The following SLC30A8 variants were observed in gnomAD, a reference collection of about 807,000 sequenced individuals.
The protein encoded by SLC30A8 is proton-coupled zinc antiporter SLC30A8.
Under a neutral mutation model 36.9 loss-of-function variants are expected in SLC30A8, and 27 were observed. The observed-to-expected ratio is 0.73, with a 90% CI of 0.54 to 1.01. SLC30A8 has a LOEUF of 1.01. SLC30A8 is among the 50% of genes least tolerant of loss of function. The pLI is 0.00. For missense variants in SLC30A8, 439 were observed against 452.0 expected (o/e 0.97, Z 0.26); for synonymous variants, 164 against 172.4 (o/e 0.95, Z 0.38).
intron 2 of SLC30A8, among the ~76,000 whole-genome samples, chr8:117,100,148 T>C (rs1252365900): frequency 6.6e-6 from 1 of 152,176 alleles, no homozygotes; most frequent in Non-Finnish European, 1.5e-5. Context: ...CTATTCTATC[T>C]CAGGTGCCAT....
At chr8:117,024,482 C>T (rs573769523) in intron 1 of SLC30A8, among the ~76,000 whole-genome samples, 1 of 152,194 alleles carries the variant, frequency 6.6e-6, no homozygotes, top group African/African-American at 2.4e-5. Flanking sequence ...TTGCATTTAA[C>T]CTGCATCTTC....
intron 1 of SLC30A8, among the ~76,000 whole-genome samples, chr8:116,962,403 C>A (rs1035362004): frequency 2.0e-5 from 3 of 152,010 alleles, no homozygotes; most frequent in Non-Finnish European, 2.9e-5. Context: ...GTAATTCCTC[C>A]CTTTTTCCTG....
At chr8:117,134,584 A>G (rs1821274755), upstream of SLC30A8, among the ~76,000 whole-genome samples, 1 of 151,950 alleles carries the variant, frequency 6.6e-6, no homozygotes, top group Non-Finnish European at 1.5e-5. Flanking sequence ...GATCCTTAGT[A>G]GAGGGTACCT....
At chr8:116,964,726 A>G (rs1814542243) in intron 1 of SLC30A8, among the ~76,000 whole-genome samples, 1 of 152,198 alleles carries the variant, frequency 6.6e-6, no homozygotes, top group Admixed American at 6.5e-5. Context: ...CTAATTTAAC[A>G]TTTCTAAATG....
chr8:117,058,356 T>G lies in SLC30A8; in HGVS notation c.-226+19098T>G, dbSNP rs531777567. On this transcript the variant is annotated intron_variant, in intron 2 of 10. Coordinates refer to the SLC30A8 transcript ENST00000427715. The stretch of plus-strand genomic sequence containing the variant: ...TTGCCTTTTATTTTGTGGATTGTTT[T>G]CTTTGCTATGCAAAAACTTTCTGGT... Among the ~76,000 whole-genome samples, 4 of 152,346 alleles carry G rather than the reference T, an allele frequency of 2.6e-5. No individual in the cohort carries two copies. In the East Asian group the frequency reaches 7.7e-4, roughly 29 times the overall value.
chr8:117,014,222 C>G (rs1191899638), intron 1 of SLC30A8, among the ~76,000 whole-genome samples: 1 of 152,152 alleles, frequency 6.6e-6, no homozygotes, highest in East Asian at 1.9e-4. Context: ...AATAAATATT[C>G]CCATTAGTAA....
intron 1 of SLC30A8, among the ~76,000 whole-genome samples, chr8:117,022,919 C>A (rs1448965903): frequency 6.6e-6 from 1 of 152,172 alleles, no homozygotes; most frequent in Non-Finnish European, 1.5e-5. Flanking sequence ...GCAAAAGAGA[C>A]TACCATCAGA....
intron 1 of SLC30A8, among the ~76,000 whole-genome samples, chr8:116,976,979 T>C (rs973731625): frequency 1.3e-5 from 2 of 149,964 alleles, no homozygotes; most frequent in Non-Finnish European, 3.0e-5. Flanking sequence ...TCACCACACC[T>C]GGCTAATTTT....
At chr8:116,962,179 TTAACTCATTTTATTGGCTCATTAACTG>T (rs1460873172) in intron 1 of SLC30A8, among the ~76,000 whole-genome samples, 2 of 152,026 alleles carry the variant, frequency 1.3e-5, no homozygotes, top group Admixed American at 1.3e-4. Flanking sequence ...ACTAGATAAG[TTAACTCATTTTATTGGCTCATTAACTG>T]TAAGGCAATT....
intron 1 of SLC30A8, among the ~76,000 whole-genome samples, chr8:117,036,323 GTCT>G (rs1817213184): frequency 6.6e-6 from 1 of 152,110 alleles, no homozygotes. Context: ...ATATCTTCCT[GTCT>G]TCTTCTGAGC....
chr8:116,984,874 A>C (rs1271244033), intron 1 of SLC30A8, among the ~76,000 whole-genome samples: 1 of 151,774 alleles, frequency 6.6e-6, no homozygotes, highest in African/African-American at 2.4e-5. Context: ...CCAATTTATA[A>C]TTTTTTTTCT....
intron 3 of SLC30A8, among the ~76,000 whole-genome samples, chr8:117,157,438 C>T (rs1286494845): frequency 6.6e-6 from 1 of 152,132 alleles, no homozygotes; most frequent in Non-Finnish European, 1.5e-5. Context: ...TTAATATGTT[C>T]TAAAAATTTG....
rs570737560 is a variant in SLC30A8, at chr8:117,162,197, A to C, written c.723+309A>C. ...AGACATCAAAGTAGAAATAAGGGCA[A>C]ATTTTGATATCTAGGTTTTAGAAAC... On this transcript the variant is annotated intron_variant, in intron 5 of 7. Transcript: ENST00000456015. Among the ~76,000 whole-genome samples the C allele has an allele frequency of 5.3e-5, 8 of 152,326 alleles. No individual in the cohort carries two copies. In the East Asian group the frequency reaches 1.3e-3, roughly 26 times the overall value.
chr8:117,076,029 G>A (rs184915482), intron 2 of SLC30A8, among the ~76,000 whole-genome samples: 88 of 152,162 alleles, frequency 5.8e-4, no homozygotes, highest in African/African-American at 1.9e-3. Flanking sequence ...GTGAAATCCT[G>A]CTTCCTTCTT....
chr8:116,987,447 T>G (rs924884929), intron 1 of SLC30A8, among the ~76,000 whole-genome samples: 1 of 147,438 alleles, frequency 6.8e-6, no homozygotes, highest in African/African-American at 2.5e-5. Context: ...AAATAAAAAA[T>G]GCACACGTAA....
At chr8:117,129,529 T>G (rs911511767) in intron 2 of SLC30A8, among the ~76,000 whole-genome samples, 8 of 152,004 alleles carry the variant, frequency 5.3e-5, no homozygotes, top group African/African-American at 1.9e-4. Context: ...GAAACTAACT[T>G]GTGACTAGGA....
At chr8:117,014,308 T>C (rs1816439228) in intron 1 of SLC30A8, among the ~76,000 whole-genome samples, 1 of 152,156 alleles carries the variant, frequency 6.6e-6, no homozygotes. Context: ...TTCCAGAATG[T>C]GGCTGAGAGT....
At chr8:117,123,104 A>C (rs1820751545) in intron 2 of SLC30A8, among the ~76,000 whole-genome samples, 1 of 151,902 alleles carries the variant, frequency 6.6e-6, no homozygotes, top group African/African-American at 2.4e-5. Flanking sequence ...CTTCTGTCTC[A>C]CCTTAGAGGG....
At position 117,033,439 on chromosome 8, in the gene SLC30A8, A is replaced by G. The variant is rs538398161; in HGVS notation, c.-265-5780A>G. 2.0e-5 allele frequency among the ~76,000 whole-genome samples: 3 copies of G among 152,370 alleles called. No individual in the cohort carries two copies. The East Asian group carries it at 5.8e-4, about 29-fold the overall frequency. On this transcript the variant is annotated intron_variant, in intron 1 of 10. Transcript: ENST00000427715. ...AATAGGTAACTTCATAAAAACAGAAAGCAGATTGGTGGTTGCCAGACAGTA... is the reference window on the plus strand; with the variant it reads ...AATAGGTAACTTCATAAAAACAGAAGGCAGATTGGTGGTTGCCAGACAGTA...
Sources: allele counts gnomAD v4.1 joint callset (sites outside exome capture counted in the v4.1 genomes callset), GRCh38; gene constraint gnomAD v4.1.1; transcripts MANE v1.5; gene names NCBI Gene and HGNC (gene_info 2026-07-23, HGNC 2026-07-21).